Variants in CDC42BPA observed in about 807,000 individuals in gnomAD.
CDC42BPA encodes the protein serine/threonine-protein kinase MRCK alpha.
In CDC42BPA, 80 loss-of-function variants were observed where a neutral mutation model predicts 223.5. The observed-to-expected ratio is 0.36, with a 90% CI of 0.30 to 0.43. The LOEUF (loss-of-function observed/expected upper bound fraction) is 0.43, where lower values mean the gene tolerates loss of function less well. CDC42BPA is among the 20% of genes least tolerant of loss of function. CDC42BPA has a pLI of 1.00. For synonymous variants in CDC42BPA, 694 were observed against 718.6 expected, an observed-to-expected ratio of 0.97 and a Z score of 0.55; for missense variants, 1,743 against 2,099.9, an observed-to-expected ratio of 0.83 and a Z score of 3.32.
At chr1:227,107,568 C>T (rs1686148983) in intron 14 of CDC42BPA, among the ~76,000 whole-genome samples, 1 of 152,068 alleles carries the variant, frequency 6.6e-6, no homozygotes, top group Non-Finnish European at 1.5e-5. Context: ...ACGACAGGTG[C>T]CTTCTCAAAA....
At chr1:227,177,438 G>A (rs1372598106) in intron 5 of CDC42BPA, among the ~76,000 whole-genome samples, 6 of 151,958 alleles carry the variant, frequency 3.9e-5, no homozygotes, top group Admixed American at 1.3e-4. Context: ...TTTAGCCCCC[G>A]TGGTCTTGAT....
intron 1 of CDC42BPA, among the ~76,000 whole-genome samples, chr1:227,263,449 G>A (rs772869655): frequency 1.3e-5 from 2 of 152,046 alleles, no homozygotes; most frequent in South Asian, 2.1e-4. Flanking sequence ...TCAATTTACA[G>A]CATAGTGGTC....
chr1:227,104,110 TAAAG>T (rs991740607), intron 14 of CDC42BPA, among the ~76,000 whole-genome samples: 36 of 152,122 alleles, frequency 2.4e-4, no homozygotes, highest in South Asian at 1.2e-3. Context: ...AATTAGCAAA[TAAAG>T]AGAGAATTTA....
At chr1:227,013,426 G>A (rs1046119346) in intron 34 of CDC42BPA, among the ~76,000 whole-genome samples, 7 of 151,704 alleles carry the variant, frequency 4.6e-5, no homozygotes, top group African/African-American at 1.7e-4. Context: ...GGAAGGAAGA[G>A]GGAAGAAAAT....
At chr1:227,119,500 G>A (rs909008096) in intron 12 of CDC42BPA, among the ~76,000 whole-genome samples, 2 of 151,938 alleles carry the variant, frequency 1.3e-5, no homozygotes, top group Admixed American at 6.5e-5. Context: ...ATGCTAAACA[G>A]TTTCTACTAT....
rs1165913657 is a variant in CDC42BPA, at chr1:227,317,509, T to C, written c.-327A>G. On this transcript the variant is annotated 5_prime_UTR_variant, in exon 1 of 37. Transcript: ENST00000366766. ...CAACGAACTAGAGAGTCAACACTTCTTTAAAAAAAAAAAAAAAAACTCTTC... is the reference window on the plus strand; with the variant it reads ...CAACGAACTAGAGAGTCAACACTTCCTTAAAAAAAAAAAAAAAAACTCTTC... The C allele has an allele frequency of 8.0e-6, 3 of 373,668 alleles. No individual in the cohort carries two copies. Among genetic ancestry groups the C allele is most frequent in the Non-Finnish European group, 1.4e-5 (3 of 217,516 alleles). 23.1% of individuals were successfully genotyped at this position (373,668 alleles called of 1,614,324 possible). A position where few individuals can be genotyped will look rare whatever the true frequency, so the allele number is the denominator to read the frequency against.
intron 17 of CDC42BPA, among the ~76,000 whole-genome samples, chr1:227,076,244 CACT>C (rs1476652989): frequency 3.3e-5 from 5 of 151,950 alleles, no homozygotes; most frequent in Admixed American, 3.3e-4. Flanking sequence ...CCAACCCCAC[CACT>C]ATCTTTCTCT....
chr1:227,105,572 T>C lies in CDC42BPA; in HGVS notation c.2002-4333A>G, dbSNP rs1031492966. Among the ~76,000 whole-genome samples, 8 of 152,132 alleles carry C rather than the reference T, an allele frequency of 5.3e-5. No homozygotes were observed. In the East Asian group the frequency reaches 1.2e-3, roughly 22 times the overall value. On this transcript the variant is annotated intron_variant, in intron 14 of 36. Coordinates refer to ENST00000366766, the MANE Select transcript of CDC42BPA (RefSeq NM_001394014.1). ...TCTCACTCTGTTGCCCAGGCTGGTT[T>C]TGAACTCCTGGGCTCAAGTAATCCT...
At chr1:227,187,688 C>CA (rs1360251728) in intron 5 of CDC42BPA, among the ~76,000 whole-genome samples, 17 of 72,744 alleles carry the variant, frequency 2.3e-4, no homozygotes, top group African/African-American at 8.8e-4. Context: ...CACCCCCCCC[C>CA]CAAAAAAAAA....
In CDC42BPA at chr1:227,077,291, G is replaced by A. The variant is rs192680251; in HGVS notation, c.2481-2927C>T. Among the ~76,000 whole-genome samples, 6 of 152,136 alleles carry A rather than the reference G, an allele frequency of 3.9e-5. No homozygotes were observed. The East Asian group carries it at 9.6e-4, about 24-fold the overall frequency. On this transcript the variant is annotated intron_variant, in intron 17 of 36. Coordinates refer to ENST00000366766, the MANE Select transcript of CDC42BPA (RefSeq NM_001394014.1). ...GTAAAAATATCTATCTCACAGGACC[G>A]GTGTAATAACTAAATAAGAATACAT...
chr1:227,056,772 T>C (rs1674662296), intron 21 of CDC42BPA, among the ~76,000 whole-genome samples: 1 of 152,224 alleles, frequency 6.6e-6, no homozygotes, highest in African/African-American at 2.4e-5. Context: ...TAATATTTTG[T>C]ATTGAGAACA....
chr1:227,256,946 CAG>C (rs1390315696), intron 1 of CDC42BPA, among the ~76,000 whole-genome samples: 54 of 90,128 alleles, frequency 6.0e-4, no homozygotes, highest in African/African-American at 1.5e-3. Context: ...TATATATATA[CAG>C]ACACACACAC....
intron 1 of CDC42BPA, among the ~76,000 whole-genome samples, chr1:227,273,428 G>A (rs543475910): frequency 6.6e-6 from 1 of 150,872 alleles, no homozygotes; most frequent in South Asian, 2.1e-4. Flanking sequence ...TTAGCCGGGC[G>A]TGGTGGCGCA....
intron 31 of CDC42BPA, among the ~76,000 whole-genome samples, 178 bp from the exon 32 acceptor site, chr1:227,023,525 T>A (rs778928348): frequency 2.6e-5 from 4 of 152,136 alleles, no homozygotes; most frequent in Admixed American, 1.3e-4. Flanking sequence ...CTATCTAATT[T>A]GAACAAACAA....
chr1:227,073,743 TA>T, intron 19 of CDC42BPA, 120 bp downstream of exon 19: 1 of 720,180 alleles, frequency 1.4e-6, no homozygotes. Context: ...CAAATCTTTG[TA>T]ACATATTTGG....
chr1:227,162,922 T>A (rs1204991632), intron 5 of CDC42BPA, among the ~76,000 whole-genome samples: 1 of 150,444 alleles, frequency 6.6e-6, no homozygotes, highest in East Asian at 2.0e-4. Flanking sequence ...ATGTGTGTGT[T>A]TCCAAACATA....
intron 2 of CDC42BPA, 94 bp from the exon 3 acceptor site, chr1:227,213,313 C>G: frequency 1.6e-6 from 1 of 612,918 alleles, no homozygotes; most frequent in Middle Eastern, 3.0e-4. Flanking sequence ...AAAATAAATA[C>G]CAATTATCAA....
chr1:227,022,386 T>C, intron 32 of CDC42BPA, among the ~76,000 whole-genome samples: 1 of 152,062 alleles, frequency 6.6e-6, no homozygotes, highest in Non-Finnish European at 1.5e-5. Flanking sequence ...TGAGCCAAGA[T>C]TGTGCCACTG....
At chr1:227,070,451 C>T (rs1043069601) in intron 20 of CDC42BPA, among the ~76,000 whole-genome samples, 4 of 151,732 alleles carry the variant, frequency 2.6e-5, no homozygotes, top group African/African-American at 9.7e-5. Context: ...TGCACAATTT[C>T]CCAAGTAATT....
Sources: gnomAD v4.1 joint callset for allele counts (sites outside exome capture counted in the v4.1 genomes callset) on GRCh38, gnomAD v4.1.1 for gene constraint, MANE v1.5 for transcripts, NCBI Gene and HGNC (gene_info 2026-07-23, HGNC 2026-07-21) for gene names.